The following ZC3H12C variants were observed in gnomAD, a reference collection of about 807,000 sequenced individuals.
ZC3H12C encodes probable ribonuclease ZC3H12C.
In ZC3H12C, 20 loss-of-function variants were observed where a neutral mutation model predicts 76.3. The observed-to-expected ratio is 0.26, with a 90% CI of 0.18 to 0.38. ZC3H12C has a LOEUF of 0.38. Ranked by LOEUF, ZC3H12C falls within the 10% of genes least tolerant of loss-of-function variation. The probability of loss-of-function intolerance (pLI) is 1.00; values close to 1 mark genes in which losing one functional copy is unlikely to be tolerated. For synonymous variants in ZC3H12C, 352 were observed against 399.6 expected, an observed-to-expected ratio of 0.88 and a Z score of 1.42; for missense variants, 874 against 1,086.5, an observed-to-expected ratio of 0.80 and a Z score of 2.75.
chr11:110,165,247 G>A lies in ZC3H12C; in HGVS notation c.2162G>A (p.Cys721Tyr). ...TCCGCTGTGGGCGCCCGGTCCAGCT[G>A]TCCTGGCGACTACCCCTCTCCTCCA... ...PHSAVGARSS[C>Y]PGDYPSPPSS... The change falls in exon 6 of 6, where the codon TGT becomes TAT. Residue 721 changes from cysteine (C) to tyrosine (Y), a missense_variant. By Grantham distance (194) the Cys-to-Tyr change is radical (BLOSUM62 -2). Coordinates refer to ENST00000278590, the MANE Select transcript of ZC3H12C (RefSeq NM_033390.2). The A allele has an allele frequency of 6.2e-7, 1 of 1,614,004 alleles. No homozygotes were observed. Among genetic ancestry groups the A allele is most frequent in the Non-Finnish European group, 8.5e-7 (1 of 1,179,892 alleles).
At chr11:110,158,840 T>G (rs140786068) in intron 3 of ZC3H12C, among the ~76,000 whole-genome samples, 112 of 152,206 alleles carry the variant, frequency 7.4e-4, no homozygotes, top group African/African-American at 2.6e-3. Context: ...CAAACAAACT[T>G]AAAAGGAAAA....
chr11:110,120,057 G>A (rs1861626601), intron 1 of ZC3H12C, among the ~76,000 whole-genome samples: 1 of 152,096 alleles, frequency 6.6e-6, no homozygotes, highest in Non-Finnish European at 1.5e-5. Context: ...CACCTGACAT[G>A]TATTTATTAT....
chr11:110,129,864 TACGCAGCC>T (rs1474604568), intron 1 of ZC3H12C, among the ~76,000 whole-genome samples: 1 of 152,128 alleles, frequency 6.6e-6, no homozygotes, highest in African/African-American at 2.4e-5. Context: ...AAGTATAACT[TACGCAGCC>T]CACAAAAGCA....
intron 2 of ZC3H12C, among the ~76,000 whole-genome samples, chr11:110,144,866 T>A (rs992573365): frequency 6.6e-6 from 1 of 152,196 alleles, no homozygotes; most frequent in South Asian, 2.1e-4. Context: ...TTTCAATTAC[T>A]CCCCGTGTCT....
At position 110,166,070 on chromosome 11, in the gene ZC3H12C, C is replaced by T. The variant is rs1172768113; in HGVS notation, c.*333C>T. On this transcript the variant is annotated 3_prime_UTR_variant, in exon 6 of 6. Transcript: ENST00000278590. The stretch of plus-strand genomic sequence containing the variant: ...GGGGTTTATATGCAGCACTTTTTAT[C>T]CTTGTTTTGTGTTTTATTAACTTGG... The T allele has an allele frequency of 1.4e-5, 3 of 211,450 alleles. No individual in the cohort carries two copies. The highest frequency in any genetic ancestry group is 7.0e-5 in the African/African-American group (3 of 42,986). 13.1% of individuals were successfully genotyped at this position (211,450 alleles called of 1,614,324 possible).
Position 110,112,286 on chromosome 11 carries a change from C to G in ZC3H12C, c.21+18854C>G, listed in dbSNP as rs569681456. On this transcript the variant is annotated intron_variant, in intron 1 of 5. Coordinates refer to ENST00000278590, the MANE Select transcript of ZC3H12C (RefSeq NM_033390.2). ...CTATCTTGGCTCACTGCAGCCTTGA[C>G]TTCCCGGGCTCAAGCAATCTTCCCA... 1.4e-3 allele frequency among the ~76,000 whole-genome samples: 211 copies of G among 152,188 alleles called. 2 individuals are homozygous for G. Among genetic ancestry groups the G allele is most frequent in the Non-Finnish European group, 2.4e-3 (161 of 67,994 alleles).
At chr11:110,103,556 T>C (rs1228821005) in intron 1 of ZC3H12C, among the ~76,000 whole-genome samples, 4 of 152,142 alleles carry the variant, frequency 2.6e-5, no homozygotes, top group Non-Finnish European at 5.9e-5. Flanking sequence ...TTCCAGGTAA[T>C]GGAATTGATG....
At chr11:110,146,461 G>T (rs1434854071) in intron 2 of ZC3H12C, among the ~76,000 whole-genome samples, 1 of 152,170 alleles carries the variant, frequency 6.6e-6, no homozygotes. Context: ...TGTCACTTTT[G>T]CTCCTAGTTG....
chr11:110,152,648 G>A (rs1402420755), intron 2 of ZC3H12C, among the ~76,000 whole-genome samples: 2 of 151,908 alleles, frequency 1.3e-5, no homozygotes, highest in Non-Finnish European at 2.9e-5. Flanking sequence ...GTGTCTTTCT[G>A]ACTAGTTAAC....
chr11:110,169,895 A>G lies in ZC3H12C; in HGVS notation c.*4158A>G, dbSNP rs1591491133. On this transcript the variant is annotated 3_prime_UTR_variant, in exon 6 of 6. Transcript: ENST00000278590. ...TCAGCTCTGCCTTTAGAGCATAAGAACAGCCACAGATAACATGTAAATTAG... is the reference window on the plus strand; with the variant it reads ...TCAGCTCTGCCTTTAGAGCATAAGAGCAGCCACAGATAACATGTAAATTAG... 1 of 152,226 alleles carries G rather than the reference A, an allele frequency of 6.6e-6. No individual in the cohort carries two copies. The highest frequency in any genetic ancestry group is 2.4e-5 in the African/African-American group (1 of 41,462). The allele number at this position is 152,226 out of a possible 1,614,324, so 9.4% of individuals were successfully genotyped here.
At position 110,167,661 on chromosome 11, in the gene ZC3H12C, T is replaced by C. The variant is rs1862606938; in HGVS notation, c.*1924T>C. ...AAGTAGGATTTGGGTATACAGTAAA[T>C]GCTTCTAAAAGGCATTGTGCATATT... On this transcript the variant is annotated 3_prime_UTR_variant, in exon 6 of 6. Coordinates refer to ENST00000278590, the MANE Select transcript of ZC3H12C (RefSeq NM_033390.2). 1 of 152,206 alleles carries C rather than the reference T, an allele frequency of 6.6e-6. No individual in the cohort carries two copies. The highest frequency in any genetic ancestry group is 1.5e-5 in the Non-Finnish European group (1 of 68,030). The allele number at this position is 152,206 out of a possible 1,614,324, so 9.4% of individuals were successfully genotyped here. A position where few individuals can be genotyped will look rare whatever the true frequency, so the allele number is the denominator to read the frequency against.
Position 110,164,041 on chromosome 11 carries a change from A to G in ZC3H12C, c.1256-300A>G, listed in dbSNP as rs1307701002. 6.6e-6 allele frequency among the ~76,000 whole-genome samples: 1 copy of G among 151,966 alleles called. No individual in the cohort carries two copies. Among genetic ancestry groups the G allele is most frequent in the Admixed American group, 6.6e-5 (1 of 15,250 alleles). ...CTTGAACCCGAGAGGCAGAGGTTGC[A>G]GTGAGCTGAGATCACACCACTGCCC... On this transcript the variant is annotated intron_variant, in intron 5 of 5. Coordinates refer to ENST00000278590, the MANE Select transcript of ZC3H12C (RefSeq NM_033390.2). This position sits in a 1 kb window ranked among gnomAD's most constrained non-coding sequence, Gnocchi z 5.7.
In ZC3H12C at chr11:110,137,203, A is replaced by G. The variant is rs778554127; in HGVS notation, c.562A>G (p.Thr188Ala). The part of the protein sequence containing the change: ...QVQLVLNKLG[T>A]DALINDILGE... ...TCAGCTTGTACTAAACAAACTTGGT[A>G]CTGATGCTTTAATCAATGATATTTT... The change falls in exon 2 of 6, where the codon ACT (threonine) becomes GCT (alanine). Residue 188 changes from threonine to alanine, a missense_variant. Physicochemically the swap from Thr to Ala is moderately conservative, Grantham distance 58 (BLOSUM62 0). Transcript: ENST00000278590. 2.5e-6 allele frequency: 4 copies of G among 1,613,946 alleles called. No homozygotes were observed. Among genetic ancestry groups the G allele is most frequent in the South Asian group, 1.1e-5 (1 of 91,058 alleles).
In ZC3H12C at chr11:110,103,938, G is replaced by A. The variant is rs905056006; in HGVS notation, c.21+10506G>A. Among the ~76,000 whole-genome samples the A allele has an allele frequency of 3.9e-5, 6 of 151,900 alleles. No individual in the cohort carries two copies. In the East Asian group the frequency reaches 1.2e-3, roughly 29 times the overall value. On this transcript the variant is annotated intron_variant, in intron 1 of 5. Coordinates refer to ENST00000278590, the MANE Select transcript of ZC3H12C (RefSeq NM_033390.2). ...TTTCTAATTTATCCTAAGTGGCATAGCAATACTTGTTATGCTTTTTGTTTG... is the reference window on the plus strand; with the variant it reads ...TTTCTAATTTATCCTAAGTGGCATAACAATACTTGTTATGCTTTTTGTTTG...
chr11:110,154,602 A>C (rs1862339843), intron 3 of ZC3H12C, among the ~76,000 whole-genome samples: 1 of 152,056 alleles, frequency 6.6e-6, no homozygotes, highest in Non-Finnish European at 1.5e-5. Context: ...AATAAATTCC[A>C]GGTGGTTGAA....
chr11:110,117,966 C>T (rs112709212), intron 1 of ZC3H12C, among the ~76,000 whole-genome samples: 454 of 32,238 alleles, frequency 0.014, 22 homozygotes, highest in Middle Eastern at 0.054. Flanking sequence ...CACATATATA[C>T]ACACACATAT....
intron 2 of ZC3H12C, among the ~76,000 whole-genome samples, chr11:110,139,901 C>T (rs1423710291): frequency 7.0e-6 from 1 of 142,822 alleles, no homozygotes; most frequent in Non-Finnish European, 1.5e-5. Flanking sequence ...CTGAGTCTCG[C>T]TTTGTCACTC....
chr11:110,096,775 G>A (rs1174353806), intron 1 of ZC3H12C, among the ~76,000 whole-genome samples: 3 of 152,186 alleles, frequency 2.0e-5, no homozygotes, highest in Admixed American at 6.5e-5. Context: ...TGCATAGTAC[G>A]ACAGTAGTAG....
chr11:110,119,472 C>T (rs908159496), intron 1 of ZC3H12C, among the ~76,000 whole-genome samples: 1 of 152,180 alleles, frequency 6.6e-6, no homozygotes, highest in Non-Finnish European at 1.5e-5. Context: ...TTCTAATGCA[C>T]TACATGACCT....
Sources: allele counts gnomAD v4.1 joint callset (sites outside exome capture counted in the v4.1 genomes callset), GRCh38; gene constraint gnomAD v4.1.1; non-coding constraint Gnocchi (gnomAD v3.1); transcripts MANE v1.5; gene names NCBI Gene and HGNC (gene_info 2026-07-23, HGNC 2026-07-21).